SPTBN2: variants seen among roughly 807,000 people sequenced by gnomAD.
The protein encoded by SPTBN2 is spectrin beta, non-erythrocytic 2.
A neutral mutation model predicts 284.2 loss-of-function variants in SPTBN2; 107 were observed. The observed-to-expected ratio is 0.38, with a 90% CI of 0.32 to 0.44. The LOEUF (loss-of-function observed/expected upper bound fraction) is 0.44. Ranked by LOEUF, SPTBN2 falls within the 20% of genes least tolerant of loss-of-function variation. The probability of loss-of-function intolerance (pLI) is 1.00; values close to 1 mark genes in which losing one functional copy is unlikely to be tolerated. For missense variants in SPTBN2, 2,569 were observed against 3,287.1 expected, an observed-to-expected ratio of 0.78 and a Z score of 5.34; for synonymous variants, 1,289 against 1,354.8, an observed-to-expected ratio of 0.95 and a Z score of 1.07.
intron 36 of SPTBN2, 52 bp downstream of exon 36, chr11:66,686,940 CTG>C (rs1940155457): frequency 6.2e-7 from 1 of 1,608,918 alleles, no homozygotes; most frequent in Non-Finnish European, 8.5e-7. Context: ...CATGGCTCAC[CTG>C]TGTCACTCCC....
chr11:66,738,090 C>T (rs2135611504), intron 1 of SPTBN2, among the ~76,000 whole-genome samples: 1 of 152,226 alleles, frequency 6.6e-6, no homozygotes, highest in African/African-American at 2.4e-5. Context: ...TGGCAAATGC[C>T]TATAATCCCA....
rs747019461 is a variant in SPTBN2, at chr11:66,705,438, G to A, written c.1838C>T (p.Ser613Leu). The A allele has an allele frequency of 3.6e-5, 58 of 1,612,896 alleles. No homozygotes were observed. The highest frequency in any genetic ancestry group is 1.3e-4 in the South Asian group (12 of 91,086). ...EYRPCDPQLV[S>L]ERVAKLEQSY... ...CTGCTCTAGCTTGGCCACCCGCTCC[G>A]ACACCAGCTGCGGGTCGCAAGGTCT... The change falls in exon 15 of 38, where the codon TCG (serine) becomes TTG (leucine). Residue 613 changes from serine (S) to leucine (L), a missense_variant. Physicochemically the swap from Ser to Leu is moderately radical, Grantham distance 145 (BLOSUM62 -2). This residue lies in a region of SPTBN2 where 1,012 missense variants were observed against 1,248.9 expected (regional missense o/e 0.81). Coordinates refer to ENST00000533211, the MANE Select transcript of SPTBN2 (RefSeq NM_006946.4).
chr11:66,711,721 C>T (rs1218656775), intron 8 of SPTBN2, among the ~76,000 whole-genome samples: 1 of 152,190 alleles, frequency 6.6e-6, no homozygotes, highest in Middle Eastern at 3.2e-3. Context: ...TTGCCTATTT[C>T]TGGAAATACA....
Position 66,691,692 on chromosome 11 carries a change from T to C in SPTBN2, c.5191-34A>G. The C allele has an allele frequency of 6.2e-7, 1 of 1,612,466 alleles. No individual in the cohort carries two copies. Among genetic ancestry groups the C allele is most frequent in the Non-Finnish European group, 8.5e-7 (1 of 1,179,984 alleles). On this transcript the variant is annotated intron_variant, in intron 26 of 37. Transcript: ENST00000533211. The surrounding 1 kb of genome is among the most constrained non-coding windows in gnomAD (Gnocchi z 8.0). ...GGAAGCAGATGGACAGACCATGCCG[T>C]GATGTTAGGGGATGTGGTCCCTGCC...
Position 66,692,746 on chromosome 11 carries a change from A to T in SPTBN2, c.4986-6T>A, listed in dbSNP as rs375002169. On this transcript the variant is annotated splice_region_variant and splice_polypyrimidine_tract_variant and intron_variant, in intron 25 of 37. Transcript: ENST00000533211. ...GGCGGATGGATATCCGAGTGCTGCA[A>T]GAAGAGTGAGGGAGGCACTGTGGGA... 3.1e-6 allele frequency: 5 copies of T among 1,600,786 alleles called. No individual in the cohort carries two copies. The African/African-American group carries it at 6.7e-5, about 21-fold the overall frequency.
Position 66,701,300 on chromosome 11 carries a change from G to A in SPTBN2, c.2817-18C>T, listed in dbSNP as rs1225510139. 5 of 1,610,486 alleles carry A rather than the reference G, an allele frequency of 3.1e-6. No individual in the cohort carries two copies. Among genetic ancestry groups the A allele is most frequent in the Non-Finnish European group, 8.5e-7 (1 of 1,179,956 alleles). On this transcript the variant is annotated intron_variant, in intron 16 of 37. Transcript: ENST00000533211. ...GCTGCCACCTGAGAGCAGGGGGAAG[G>A]TTCAGCTTCCTGCCCTGGCCAGGCC...
Position 66,705,358 on chromosome 11 carries a change from A to C in SPTBN2, c.1918T>G (p.Ser640Ala). The stretch of plus-strand genomic sequence containing the variant: ...CAGAGGAAACGCCAGAGCCGCCGTG[A>C]TTCCTCCAGCCGGGCCCGCCGCGCC... Reference protein sequence around the residue: ...AAARRARLEESRRLWRFLWEV... With the variant: ...AAARRARLEEARRLWRFLWEV... The change falls in exon 15 of 38, where the codon TCA becomes GCA. Residue 640 changes from serine to alanine, a missense_variant. Ser to Ala is a moderately conservative substitution (Grantham distance 99, BLOSUM62 1). Coordinates refer to ENST00000533211, the MANE Select transcript of SPTBN2 (RefSeq NM_006946.4). 1 of 1,612,034 alleles carries C rather than the reference A, an allele frequency of 6.2e-7. No individual in the cohort carries two copies. The highest frequency in any genetic ancestry group is 8.5e-7 in the Non-Finnish European group (1 of 1,179,802).
At chr11:66,698,922 TG>T in intron 19 of SPTBN2, 69 bp downstream of exon 19, 5 of 1,603,194 alleles carry the variant, frequency 3.1e-6, no homozygotes, top group Non-Finnish European at 4.3e-6. Flanking sequence ...TACCTTGTGC[TG>T]GACTTATTCT....
intron 29 of SPTBN2, 51 bp from the exon 30 acceptor site, chr11:66,689,231 C>G (rs780204157): frequency 2.7e-5 from 43 of 1,564,670 alleles, no homozygotes; most frequent in Non-Finnish European, 3.4e-5. Flanking sequence ...TGAGATCTTT[C>G]CACGGCCCCT....
chr11:66,692,486 C>T (rs1244541258), intron 26 of SPTBN2, 50 bp downstream of exon 26: 2 of 1,594,180 alleles, frequency 1.3e-6, no homozygotes, highest in South Asian at 2.2e-5. Context: ...CCTGTGGGTC[C>T]TCCACTCTTC....
chr11:66,691,580 G>A lies in SPTBN2; in HGVS notation c.5269C>T (p.Leu1757=). ...GQERVDSANA[L]ANGLIAGGHA... ...CCCCCAGCAATGAGCCCATTGGCCAGCGCATTGGCGCTATCTACGCGCTCC... is the reference window on the plus strand; with the variant it reads ...CCCCCAGCAATGAGCCCATTGGCCAACGCATTGGCGCTATCTACGCGCTCC... The change falls in exon 27 of 38, where the codon CTG becomes TTG. Residue 1757 remains leucine (L), a synonymous_variant. Transcript: ENST00000533211. The surrounding 1 kb of genome is among the most constrained non-coding windows in gnomAD (Gnocchi z 8.0). The A allele has an allele frequency of 6.2e-7, 1 of 1,613,762 alleles. No homozygotes were observed. The highest frequency in any genetic ancestry group is 8.5e-7 in the Non-Finnish European group (1 of 1,180,048).
Position 66,685,848 on chromosome 11 carries a change from T to G in SPTBN2, c.*23A>C. 1 of 1,608,302 alleles carries G rather than the reference T, an allele frequency of 6.2e-7. No homozygotes were observed. Among genetic ancestry groups the G allele is most frequent in the Non-Finnish European group, 8.5e-7 (1 of 1,175,554 alleles). On this transcript the variant is annotated 3_prime_UTR_variant, in exon 38 of 38. Coordinates refer to ENST00000533211, the MANE Select transcript of SPTBN2 (RefSeq NM_006946.4). The surrounding 1 kb of genome is among the most constrained non-coding windows in gnomAD (Gnocchi z 4.4). ...CAGTTTCCTGAACGGAGGGAGGGAG[T>G]TGGCCTGGGACCTTGCCCCCAACTA...
In SPTBN2 at chr11:66,714,412, G is replaced by C. The variant is rs376381658; in HGVS notation, c.484-5C>G. 3 of 1,613,364 alleles carry C rather than the reference G, an allele frequency of 1.9e-6. No individual in the cohort carries two copies. In the African/African-American group the frequency reaches 4.0e-5, roughly 22 times the overall value. On this transcript the variant is annotated splice_region_variant and splice_polypyrimidine_tract_variant and intron_variant, in intron 5 of 37. Coordinates refer to ENST00000533211, the MANE Select transcript of SPTBN2 (RefSeq NM_006946.4). ...CTCCACACTGATGTCTTGGATCTAG[G>C]AAGGAAGCAAGCAGGGCCCTCAGTC... is the stretch of plus-strand genomic sequence containing the variant.
At chr11:66,721,010 T>G (rs1244947556) in intron 3 of SPTBN2, 74 bp downstream of exon 3, 1 of 1,599,550 alleles carries the variant, frequency 6.3e-7, no homozygotes, top group African/African-American at 1.3e-5. Flanking sequence ...TCCCATAAAG[T>G]TAAAGGGCTC....
chr11:66,690,024 CCCTGGGATT>C lies in SPTBN2; in HGVS notation c.5810+6_5810+14del. On this transcript the variant is annotated splice_donor_region_variant and intron_variant, in intron 28 of 37. Coordinates refer to ENST00000533211, the MANE Select transcript of SPTBN2 (RefSeq NM_006946.4). ...CCACACAACCCGTGGAGGCCCTGAG[CCCTGGGATT>C]CTCACCGGGGACGCTCCTGGGCATC... The C allele has an allele frequency of 1.2e-6, 2 of 1,614,252 alleles. No homozygotes were observed. Among genetic ancestry groups the C allele is most frequent in the Non-Finnish European group, 1.7e-6 (2 of 1,180,034 alleles).
At position 66,721,125 on chromosome 11, in the gene SPTBN2, G is replaced by A; in HGVS notation, c.116C>T (p.Ser39Leu). 6.2e-7 allele frequency: 1 copy of A among 1,614,132 alleles called. No homozygotes were observed. Among genetic ancestry groups the A allele is most frequent in the Non-Finnish European group, 8.5e-7 (1 of 1,180,030 alleles). ...GCGAGACCTCTCAAAGAGGCGGGCC[G>A]AGCTGCTGTCATTGTCCCAGTCCGA... Reference protein sequence around the residue: ...PDSDWDNDSSSARLFERSRIK... With the variant: ...PDSDWDNDSSLARLFERSRIK... Residue 39 changes from serine to leucine, a missense_variant, in exon 3 of 38, where the codon TCG (serine) becomes TTG (leucine). Transcript: ENST00000533211.
rs1483566038 is a variant in SPTBN2 at position 66,684,284 on chromosome 11, G to A, written c.*1587C>T. 6.6e-6 allele frequency among the ~76,000 whole-genome samples: 1 copy of A among 152,134 alleles called. No homozygotes were observed. On this transcript the variant is annotated 3_prime_UTR_variant, in exon 38 of 38. Coordinates refer to ENST00000533211, the MANE Select transcript of SPTBN2 (RefSeq NM_006946.4). ...ACACTGTGCCCTGAAAGCTCCGATT[G>A]CCAAACCAGAGACAAAGGAGAAGCC...
In SPTBN2 at chr11:66,689,173, T is replaced by C. The variant is rs1057345556; in HGVS notation, c.5957A>G (p.Glu1986Gly). The change falls in exon 30 of 38, where the codon GAG (glutamate) becomes GGG (glycine). Residue 1986 changes from glutamate to glycine, a missense_variant. Physicochemically the swap from Glu to Gly is moderately conservative, Grantham distance 98 (BLOSUM62 -2). Around this residue, in one of 6 missense-constraint regions of SPTBN2, gnomAD observed 1,130 missense variants for 1,317.3 expected, o/e 0.86. Coordinates refer to ENST00000533211, the MANE Select transcript of SPTBN2 (RefSeq NM_006946.4). Reference protein sequence around the residue: ...RSHYAAEEISEKLSQLQARRQ... With the variant: ...RSHYAAEEISGKLSQLQARRQ... ...CCGTGCCTGCAGCTGAGACAGCTTC[T>C]CTGAGATCTGGGGGCGGGGGGCAGA... 1 of 1,605,756 alleles carries C rather than the reference T, an allele frequency of 6.2e-7. No homozygotes were observed. The highest frequency in any genetic ancestry group is 1.3e-5 in the African/African-American group (1 of 74,846).
chr11:66,688,122 G>A (rs764351918), intron 32 of SPTBN2, 43 bp from the exon 33 acceptor site: 7 of 1,613,506 alleles, frequency 4.3e-6, no homozygotes, highest in Admixed American at 3.3e-5. Context: ...GTCCCTGGGT[G>A]GCCTGGGCTC....
Sources: allele counts gnomAD v4.1 joint callset (sites outside exome capture counted in the v4.1 genomes callset), GRCh38; gene constraint gnomAD v4.1.1; regional missense constraint gnomAD v4.1.1; non-coding constraint Gnocchi (gnomAD v3.1); transcripts MANE v1.5; gene names NCBI Gene and HGNC (gene_info 2026-07-23, HGNC 2026-07-21).